RIN2: variants seen among roughly 807,000 people sequenced by gnomAD.
RIN2 encodes the protein RAB5 interacting protein 2.
RIN2 carries 36 observed loss-of-function variants against 78.0 expected under a neutral mutation model. That is an observed-to-expected ratio of 0.46 (90% CI 0.35 to 0.61). RIN2 has a LOEUF of 0.61. RIN2 is among the 20% of genes least tolerant of loss of function. RIN2 has a pLI of 0.00. For synonymous variants in RIN2, 466 were observed against 466.8 expected, an observed-to-expected ratio of 1.00 and a Z score of 0.02; for missense variants, 1,087 against 1,159.7, an observed-to-expected ratio of 0.94 and a Z score of 0.91.
At position 19,889,586 on chromosome 20, in the gene RIN2, A is replaced by C. The variant is rs368666866; in HGVS notation, c.-16A>C. On this transcript the variant is annotated 5_prime_UTR_variant, in exon 3 of 13. Coordinates refer to ENST00000255006, the MANE Select transcript of RIN2 (RefSeq NM_018993.4). Reference sequence around the variant, plus strand: ...TTCAGGAGTCCCCGGCGTGCAGTGGAGCCTCGCTGGGGGAAATGACAGCTT... The same window carrying C: ...TTCAGGAGTCCCCGGCGTGCAGTGGCGCCTCGCTGGGGGAAATGACAGCTT... 5.0e-5 allele frequency: 78 copies of C among 1,550,790 alleles called. No individual in the cohort carries two copies. In the African/African-American group the frequency reaches 1.0e-3, roughly 20 times the overall value.
At chr20:19,945,681 T>C (rs1432955367) in intron 4 of RIN2, among the ~76,000 whole-genome samples, 1 of 152,134 alleles carries the variant, frequency 6.6e-6, no homozygotes. Flanking sequence ...ATCTTTCTTA[T>C]CATTTTTTTT....
intron 3 of RIN2, among the ~76,000 whole-genome samples, chr20:19,915,886 C>G (rs1290961111): frequency 6.6e-6 from 1 of 152,204 alleles, no homozygotes; most frequent in Non-Finnish European, 1.5e-5. Context: ...TTCATCTCCC[C>G]TATCCAATTC....
At position 19,814,152 on chromosome 20, in the gene RIN2, G is replaced by A. The variant is rs374967942; in HGVS notation, c.-37+14405G>A. On this transcript the variant is annotated intron_variant, in intron 2 of 12. Transcript: ENST00000255006. ...TCTTACTGGCAAATGAAGGGCAAAT[G>A]TGTGTTTACGAGGTCACACAATAAA... is the stretch of plus-strand genomic sequence containing the variant. Among the ~76,000 whole-genome samples, 5 of 152,212 alleles carry A rather than the reference G, an allele frequency of 3.3e-5. No homozygotes were observed. The East Asian group carries it at 5.8e-4, about 18-fold the overall frequency.
In RIN2 at chr20:19,836,631, T is replaced by C. The variant is rs1220546181; in HGVS notation, c.-37+36884T>C. ...TCTCTCTCTCCATTTATCTAAATCT[T>C]TCTTCATTTCTCCTATTAGGGTTAT... On this transcript the variant is annotated intron_variant, in intron 2 of 12. Coordinates refer to ENST00000255006, the MANE Select transcript of RIN2 (RefSeq NM_018993.4). Among the ~76,000 whole-genome samples, 3 of 152,276 alleles carry C rather than the reference T, an allele frequency of 2.0e-5. No individual in the cohort carries two copies. In the East Asian group the frequency reaches 5.8e-4, roughly 29 times the overall value.
intron 3 of RIN2, among the ~76,000 whole-genome samples, chr20:19,905,502 G>A (rs2039179343): frequency 6.6e-6 from 1 of 152,130 alleles, no homozygotes; most frequent in South Asian, 2.1e-4. Context: ...ATGGGAGGAT[G>A]GCTTGAGGCC....
chr20:19,990,448 C>T (rs1447232378), intron 10 of RIN2, 137 bp downstream of exon 10: 3 of 772,220 alleles, frequency 3.9e-6, no homozygotes, highest in Non-Finnish European at 6.2e-6. Context: ...TACAGAACTA[C>T]AAGTGATTCT....
chr20:19,812,892 T>G (rs1293862388), intron 2 of RIN2, among the ~76,000 whole-genome samples: 2 of 152,252 alleles, frequency 1.3e-5, no homozygotes, highest in Non-Finnish European at 2.9e-5. Context: ...AGAGTACTCA[T>G]GATTATCTTC....
In RIN2 at chr20:19,950,828, G is replaced by T. The variant is rs371708004; in HGVS notation, c.159-5787G>T. On this transcript the variant is annotated intron_variant, in intron 4 of 12. Transcript: ENST00000255006. ...GGGTTCAAACAGTTCTCCTGCCTTA[G>T]CCTCCTGAGCAGCTGTGGCTAGAAC... 2.2e-4 allele frequency among the ~76,000 whole-genome samples: 34 copies of T among 151,600 alleles called. No homozygotes were observed. The East Asian group carries it at 5.1e-3, about 23-fold the overall frequency.
chr20:19,829,995 T>C (rs144228402), intron 2 of RIN2, among the ~76,000 whole-genome samples: 18 of 152,348 alleles, frequency 1.2e-4, no homozygotes, highest in African/African-American at 3.6e-4. Context: ...ATGAGGTTTC[T>C]GTTGTCTTAT....
At chr20:19,864,610 C>T (rs1238604874) in intron 2 of RIN2, among the ~76,000 whole-genome samples, 64 of 152,132 alleles carry the variant, frequency 4.2e-4, no homozygotes, top group Admixed American at 4.2e-3. Context: ...TAGAGCCCTC[C>T]TATTGACATA....
intron 9 of RIN2, 95 bp from the exon 10 acceptor site, chr20:19,989,911 A>G: frequency 4.9e-6 from 6 of 1,232,778 alleles, no homozygotes; most frequent in Non-Finnish European, 6.6e-6. Context: ...CCTGCAACCA[A>G]TGCATAGAGT....
chr20:19,984,952 A>G (rs550731757), intron 9 of RIN2, among the ~76,000 whole-genome samples: 1 of 152,258 alleles, frequency 6.6e-6, no homozygotes, highest in South Asian at 2.1e-4. Flanking sequence ...TTAGGTTCAG[A>G]CTGCTGGCTC....
chr20:19,880,492 C>T (rs1286251292), intron 2 of RIN2, among the ~76,000 whole-genome samples: 1 of 143,816 alleles, frequency 7.0e-6, no homozygotes, highest in East Asian at 2.2e-4. Context: ...ACCTTCCAGG[C>T]TCAAGCGATT....
At chr20:19,991,847 T>A (rs1459411239) in intron 10 of RIN2, among the ~76,000 whole-genome samples, 1 of 152,208 alleles carries the variant, frequency 6.6e-6, no homozygotes, top group Admixed American at 6.5e-5. Flanking sequence ...TTTTATAATC[T>A]TGTTTGCTGA....
chr20:19,778,513 T>C (rs1229507328), intron 1 of RIN2, among the ~76,000 whole-genome samples: 1 of 152,152 alleles, frequency 6.6e-6, no homozygotes, highest in Non-Finnish European at 1.5e-5. Context: ...CTCTGAGAAG[T>C]TAAGTGAACT....
chr20:19,962,036 C>T (rs1235633309), intron 6 of RIN2, among the ~76,000 whole-genome samples: 1 of 151,896 alleles, frequency 6.6e-6, no homozygotes, highest in African/African-American at 2.4e-5. Flanking sequence ...CACCATGGCT[C>T]ACACCTGTAA....
In RIN2 at chr20:19,947,053, C is replaced by T. The variant is rs1030929126; in HGVS notation, c.159-9562C>T. 1.0e-4 allele frequency among the ~76,000 whole-genome samples: 15 copies of T among 149,984 alleles called. No individual in the cohort carries two copies. The South Asian group carries it at 2.7e-3, about 27-fold the overall frequency. On this transcript the variant is annotated intron_variant, in intron 4 of 12. Transcript: ENST00000255006. ...AAAAAAAAAAAAGCAAATTCAGTAT[C>T]TTTACCATAATTAGGAAACACACTG...
intron 2 of RIN2, among the ~76,000 whole-genome samples, chr20:19,820,489 G>C (rs984519662): frequency 6.6e-6 from 1 of 152,284 alleles, no homozygotes; most frequent in South Asian, 2.1e-4. Flanking sequence ...AAGTGTGGGC[G>C]AGGGGTCTGG....
intron 9 of RIN2, among the ~76,000 whole-genome samples, chr20:19,980,015 G>T (rs1460845177): frequency 3.7e-5 from 5 of 136,662 alleles, no homozygotes; most frequent in African/African-American, 1.2e-4. Context: ...TTGCACTCCA[G>T]CCTGGGCAAC....
Sources: allele counts gnomAD v4.1 joint callset (sites outside exome capture counted in the v4.1 genomes callset), GRCh38; gene constraint gnomAD v4.1.1; transcripts MANE v1.5; gene names NCBI Gene and HGNC (gene_info 2026-07-23, HGNC 2026-07-21).